ABCC10: variants seen among roughly 807,000 people sequenced by gnomAD.
ABCC10 encodes the protein ATP-binding cassette sub-family C member 10.
Under a neutral mutation model 143.2 loss-of-function variants are expected in ABCC10, and 110 were observed. The observed-to-expected ratio is 0.77, with a 90% CI of 0.66 to 0.90. The LOEUF is 0.90. Among genes scored for constraint, ABCC10 ranks in the 40% least tolerant of loss-of-function variants. The pLI is 0.00. For missense variants in ABCC10, 1,700 were observed against 1,900.5 expected (o/e 0.89, Z 1.96); for synonymous variants, 805 against 846.7 (o/e 0.95, Z 0.85).
intron 4 of ABCC10, 86 bp downstream of exon 4, chr6:43,434,934 A>G: frequency 2.8e-6 from 4 of 1,406,086 alleles, no homozygotes; most frequent in Non-Finnish European, 3.9e-6. Context: ...GCTGGCTGAG[A>G]AGGAGGGAGG....
At chr6:43,439,086 C>G (rs1272458614) in intron 8 of ABCC10, among the ~76,000 whole-genome samples, 1 of 152,150 alleles carries the variant, frequency 6.6e-6, no homozygotes, top group Non-Finnish European at 1.5e-5. Flanking sequence ...GCTCCTTGTC[C>G]CCTTCTCCAT....
chr6:43,449,337 G>C, intron 20 of ABCC10, 85 bp from the exon 21 acceptor site: 1 of 1,492,320 alleles, frequency 6.7e-7, no homozygotes, highest in Non-Finnish European at 9.2e-7. Context: ...GGGGAGCTGT[G>C]GTAGGGGCTG....
rs1782940431 is a variant in ABCC10, at chr6:43,445,384, G to A, written c.3030+70G>A. 8 of 1,504,920 alleles carry A rather than the reference G, an allele frequency of 5.3e-6. No individual in the cohort carries two copies. In the East Asian group the frequency reaches 7.3e-5, roughly 14 times the overall value. The allele number at this position is 1,504,920 out of a possible 1,614,324, so 93.2% of individuals were successfully genotyped here. ...CCTGTGGAGTGTCCTCCCAATACTCGGGCTCCACTGGGGATGGGAGAGTCT... is the reference window on the plus strand; with the variant it reads ...CCTGTGGAGTGTCCTCCCAATACTCAGGCTCCACTGGGGATGGGAGAGTCT... On this transcript the variant is annotated intron_variant, in intron 14 of 21. Transcript: ENST00000372530.
Position 43,432,810 on chromosome 6 carries a change from T to C in ABCC10, c.830T>C (p.Leu277Ser). The C allele has an allele frequency of 1.2e-6, 2 of 1,614,140 alleles. No individual in the cohort carries two copies. The highest frequency in any genetic ancestry group is 1.7e-6 in the Non-Finnish European group (2 of 1,180,012). The change falls in exon 3 of 22, where the codon TTG becomes TCG. Residue 277 changes from leucine to serine, a missense_variant. Leu to Ser is a moderately radical substitution (Grantham distance 145, BLOSUM62 -2). Transcript: ENST00000372530. ...GAGGGGGCACGGCTGTGGAGGGCCT[T>C]GTATGGGGCCTTTGGACGGTGCTAT... is the stretch of plus-strand genomic sequence containing the variant. ...WQEGARLWRA[L>S]YGAFGRCYLA...
downstream of ABCC10, chr6:43,450,813 T>C (rs1783678490): frequency 6.2e-7 from 1 of 1,614,020 alleles, no homozygotes; most frequent in Non-Finnish European, 8.5e-7. This position sits in a 1 kb window ranked among gnomAD's most constrained non-coding sequence, Gnocchi z 4.5. Flanking sequence ...CCGCACCACC[T>C]CCTTCACTGA....
At chr6:43,439,671 C>T (rs921289046) in intron 8 of ABCC10, among the ~76,000 whole-genome samples, 6 of 152,162 alleles carry the variant, frequency 3.9e-5, no homozygotes, top group Admixed American at 2.6e-4. Flanking sequence ...GCAACCTCCG[C>T]CTCCTGGATT....
chr6:43,449,834 G>A (rs376366789), intron 21 of ABCC10, 95 bp from the exon 22 acceptor site: 1 of 1,419,652 alleles, frequency 7.0e-7, no homozygotes. Flanking sequence ...GGACAGACCT[G>A]TGGTGTCCCG....
Position 43,446,502 on chromosome 6 carries a change from C to T in ABCC10, c.3544+56C>T, listed in dbSNP as rs1783095920. The stretch of plus-strand genomic sequence containing the variant: ...ATCCACAAGTTAGTCCACCGCTCTC[C>T]CAGATCTCTCCCTGCACCATCCCCC... On this transcript the variant is annotated intron_variant, in intron 16 of 21. Transcript: ENST00000372530. 3.2e-6 allele frequency: 5 copies of T among 1,559,554 alleles called. No individual in the cohort carries two copies. The Admixed American group carries it at 7.1e-5, about 22-fold the overall frequency.
chr6:43,429,396 G>GTGT (rs1780879035), intron 2 of ABCC10, among the ~76,000 whole-genome samples: 1 of 46,390 alleles, frequency 2.2e-5, no homozygotes, highest in Non-Finnish European at 4.6e-5. Context: ...GTGTGTGTGT[G>GTGT]TGTGTGTGTG....
Position 43,441,160 on chromosome 6 carries a change from C to T in ABCC10, c.2128-702C>T, listed in dbSNP as rs917871893. ...TTTTACATCAAATCTGCCCAAGATA[C>T]CTTACTACCTTGCCTGTTAAAAAGA... On this transcript the variant is annotated intron_variant, in intron 8 of 21. Transcript: ENST00000372530. 4.6e-5 allele frequency among the ~76,000 whole-genome samples: 7 copies of T among 151,890 alleles called. No homozygotes were observed. In the East Asian group the frequency reaches 9.7e-4, roughly 21 times the overall value.
intron 8 of ABCC10, among the ~76,000 whole-genome samples, chr6:43,439,476 C>T (rs1295065721): frequency 6.6e-6 from 1 of 151,520 alleles, no homozygotes; most frequent in Non-Finnish European, 1.5e-5. Flanking sequence ...CATCTTGGCT[C>T]ACTGCAGCCT....
At chr6:43,439,375 A>T (rs1387399879) in intron 8 of ABCC10, among the ~76,000 whole-genome samples, 1 of 150,904 alleles carries the variant, frequency 6.6e-6, no homozygotes, top group East Asian at 2.0e-4. Flanking sequence ...TCCAGCTGTC[A>T]TTCTTTTTAT....
chr6:43,445,417 C>A, intron 14 of ABCC10, 103 bp downstream of exon 14: 1 of 1,409,390 alleles, frequency 7.1e-7, no homozygotes, highest in Non-Finnish European at 9.6e-7. Context: ...TCTTTCCTGC[C>A]CTGGGATATT....
intron 2 of ABCC10, among the ~76,000 whole-genome samples, chr6:43,428,877 A>G (rs1182572654): frequency 6.6e-6 from 1 of 152,042 alleles, no homozygotes; most frequent in Non-Finnish European, 1.5e-5. Flanking sequence ...AGACTGTGCC[A>G]ATTTTTAATA....
At position 43,438,898 on chromosome 6, in the gene ABCC10, G is replaced by A. The variant is rs181876273; in HGVS notation, c.2127+103G>A. 1.0e-3 allele frequency: 1,445 copies of A among 1,393,482 alleles called. 6 individuals are homozygous for A. Among genetic ancestry groups the A allele is most frequent in the African/African-American group, 7.9e-3 (552 of 69,786 alleles). The allele number at this position is 1,393,482 out of a possible 1,614,324, so 86.3% of individuals were successfully genotyped here. ...TTCTGGAAAGGGGTTGCTTCTACTC[G>A]GGCATCACTTATCTAGGAATGGCCA... On this transcript the variant is annotated intron_variant, in intron 8 of 21. Coordinates refer to ENST00000372530, the MANE Select transcript of ABCC10 (RefSeq NM_001198934.2).
rs768502452 is a variant in ABCC10 at position 43,432,932 on chromosome 6, G to A, written c.952G>A (p.Glu318Lys). The change falls in exon 3 of 22, where the codon GAG (glutamate) becomes AAG (lysine). Residue 318 changes from glutamate (E) to lysine (K), a missense_variant. Physicochemically the swap from Glu to Lys is moderately conservative, Grantham distance 56 (BLOSUM62 1). Transcript: ENST00000372530. ...GGTGGGCTTCCTGGAAGAGGGGCAG[G>A]AGCCACTAAGCCACGGCCTGCTCTA... ...LLVGFLEEGQ[E>K]PLSHGLLYAL... The A allele has an allele frequency of 2.5e-6, 4 of 1,614,174 alleles. No individual in the cohort carries two copies. The highest frequency in any genetic ancestry group is 3.4e-6 in the Non-Finnish European group (4 of 1,180,038).
chr6:43,434,904 CAG>C (rs1781520061), intron 4 of ABCC10, 56 bp downstream of exon 4: 7 of 1,563,338 alleles, frequency 4.5e-6, no homozygotes, highest in Non-Finnish European at 6.2e-6. Context: ...GAAGTGAAGA[CAG>C]AGGCTTGGGC....
Position 43,443,365 on chromosome 6 carries a change from G to A in ABCC10, c.2416+206G>A. On this transcript the variant is annotated intron_variant, in intron 10 of 21. Coordinates refer to ENST00000372530, the MANE Select transcript of ABCC10 (RefSeq NM_001198934.2). This position sits in a 1 kb window ranked among gnomAD's most constrained non-coding sequence, Gnocchi z 4.2. ...AATGCCAGTGTATTTGGGACTCATGGGCTTTGTGACTGGGTGCTCTTGGGA... is the reference window on the plus strand; with the variant it reads ...AATGCCAGTGTATTTGGGACTCATGAGCTTTGTGACTGGGTGCTCTTGGGA... The A allele has an allele frequency of 2.0e-6, 1 of 511,346 alleles. No homozygotes were observed. The highest frequency in any genetic ancestry group is 3.3e-6 in the Non-Finnish European group (1 of 301,224). The allele number at this position is 511,346 out of a possible 1,614,324, so 31.7% of individuals were successfully genotyped here. A position where few individuals can be genotyped will look rare whatever the true frequency, so the allele number is the denominator to read the frequency against.
chr6:43,451,002 C>T (rs755196384), downstream of ABCC10: 20 of 1,613,984 alleles, frequency 1.2e-5, no homozygotes, highest in African/African-American at 9.3e-5. This position sits in a 1 kb window ranked among gnomAD's most constrained non-coding sequence, Gnocchi z 4.4. Flanking sequence ...GTCGTGGACA[C>T]GGTCCCGACA....
Sources: allele counts gnomAD v4.1 joint callset (sites outside exome capture counted in the v4.1 genomes callset), GRCh38; gene constraint gnomAD v4.1.1; non-coding constraint Gnocchi (gnomAD v3.1); transcripts MANE v1.5; gene names NCBI Gene and HGNC (gene_info 2026-07-23, HGNC 2026-07-21).